Variants in CAPRIN1 observed in about 807,000 individuals in gnomAD.
CAPRIN1 encodes the protein caprin-1.
In CAPRIN1, 29 loss-of-function variants were observed where a neutral mutation model predicts 100.9. The ratio of observed to expected loss-of-function variants is 0.29; its 90% confidence interval spans 0.21 to 0.39. CAPRIN1 has a LOEUF of 0.39. Ranked by LOEUF, CAPRIN1 falls within the 10% of genes least tolerant of loss-of-function variation. The pLI is 1.00. For synonymous variants in CAPRIN1, 338 were observed against 307.5 expected (o/e 1.10, Z -1.04); for missense variants, 795 against 876.7 (o/e 0.91, Z 1.18).
intron 17 of CAPRIN1, 136 bp downstream of exon 17, chr11:34,097,432 A>G (rs1851388820): frequency 1.3e-6 from 1 of 774,676 alleles, no homozygotes; most frequent in East Asian, 2.6e-5. Flanking sequence ...TTGAAACAAA[A>G]GCTTTTAGCA....
chr11:34,083,873 G>A (rs1032780951), intron 9 of CAPRIN1, among the ~76,000 whole-genome samples: 4 of 152,088 alleles, frequency 2.6e-5, no homozygotes, highest in African/African-American at 9.7e-5. Flanking sequence ...TTAGAGACCA[G>A]CCTGGCCAGC....
intron 2 of CAPRIN1, among the ~76,000 whole-genome samples, chr11:34,066,426 T>G (rs984394668): frequency 2.6e-4 from 39 of 151,800 alleles, no homozygotes; most frequent in Admixed American, 2.5e-3. Flanking sequence ...CTCTGCCACC[T>G]GGGTTCAAGC....
intron 2 of CAPRIN1, among the ~76,000 whole-genome samples, chr11:34,054,122 C>T (rs1321522730): frequency 6.6e-6 from 1 of 152,148 alleles, no homozygotes; most frequent in Non-Finnish European, 1.5e-5. Flanking sequence ...ATATATTTTA[C>T]ATTTTGGGAG....
At chr11:34,092,311 T>G (rs1437394388) in intron 15 of CAPRIN1, among the ~76,000 whole-genome samples, 1 of 152,202 alleles carries the variant, frequency 6.6e-6, no homozygotes, top group Non-Finnish European at 1.5e-5. Flanking sequence ...TTGCATTGTA[T>G]AATTTATATG....
At chr11:34,090,147 G>A (rs1181528635) in intron 12 of CAPRIN1, 32 bp from the exon 13 acceptor site, 1 of 1,416,510 alleles carries the variant, frequency 7.1e-7, no homozygotes, top group Non-Finnish European at 9.9e-7. Context: ...TTGTAAGCAG[G>A]AAGAAGCTTT....
intron 15 of CAPRIN1, among the ~76,000 whole-genome samples, chr11:34,094,443 A>C (rs1310558026): frequency 6.6e-6 from 1 of 152,258 alleles, no homozygotes; most frequent in East Asian, 1.9e-4. Context: ...ACAACATGAC[A>C]GAATCTTTGG....
intron 3 of CAPRIN1, 33 bp downstream of exon 3, chr11:34,071,821 A>G (rs1053839471): frequency 6.3e-7 from 1 of 1,579,210 alleles, no homozygotes; most frequent in African/African-American, 1.3e-5. Flanking sequence ...TTTAGACCTA[A>G]TGCTCACTAT....
chr11:34,092,603 G>C (rs558623727), intron 15 of CAPRIN1, among the ~76,000 whole-genome samples: 14 of 152,100 alleles, frequency 9.2e-5, no homozygotes, highest in Non-Finnish European at 1.5e-4. Context: ...CACGTGATCT[G>C]CCCACCTCAG....
In CAPRIN1 at chr11:34,082,838, A is replaced by G; in HGVS notation, c.840A>G (p.Ala280=). Residue 280 remains alanine, a synonymous_variant, in exon 8 of 19, where the codon GCA becomes GCG. Coordinates refer to ENST00000341394, the MANE Select transcript of CAPRIN1 (RefSeq NM_005898.5). ...DQVPEAEPEP[A]EEYTEQSEVE... is the part of the protein sequence containing the mutation. Reference sequence around the variant, plus strand: ...TTAACCTCTTAGAACCTGAGCCAGCAGAAGAGTACACTGAGCAAAGTGAAG... The same window carrying G: ...TTAACCTCTTAGAACCTGAGCCAGCGGAAGAGTACACTGAGCAAAGTGAAG... 1.2e-6 allele frequency: 2 copies of G among 1,613,740 alleles called. No homozygotes were observed. The highest frequency in any genetic ancestry group is 1.1e-5 in the South Asian group (1 of 91,060).
intron 2 of CAPRIN1, among the ~76,000 whole-genome samples, chr11:34,060,607 C>T (rs1173129359): frequency 6.6e-6 from 1 of 152,212 alleles, no homozygotes; most frequent in Non-Finnish European, 1.5e-5. Flanking sequence ...CTTCTTTTTA[C>T]ATTGTGGACA....
chr11:34,062,874 G>GT (rs1358564948), intron 2 of CAPRIN1, among the ~76,000 whole-genome samples: 9 of 151,956 alleles, frequency 5.9e-5, no homozygotes, highest in African/African-American at 1.2e-4. Flanking sequence ...AGCCAAGTTA[G>GT]TTTTTTTCAG....
At chr11:34,076,862 G>A (rs1850918526) in intron 6 of CAPRIN1, among the ~76,000 whole-genome samples, 1 of 151,676 alleles carries the variant, frequency 6.6e-6, no homozygotes, top group Non-Finnish European at 1.5e-5. Flanking sequence ...ATCCTCCCAA[G>A]TAGCTGGGAT....
chr11:34,087,670 AG>A (rs1851175286), intron 11 of CAPRIN1, among the ~76,000 whole-genome samples: 1 of 152,198 alleles, frequency 6.6e-6, no homozygotes, highest in African/African-American at 2.4e-5. Context: ...AACAGATCAA[AG>A]GTGACACCTA....
At chr11:34,096,316 T>G (rs1214558669) in intron 15 of CAPRIN1, 163 bp from the exon 16 acceptor site, 2 of 556,322 alleles carry the variant, frequency 3.6e-6, no homozygotes, top group African/African-American at 3.9e-5. Context: ...AGGAGAAAGG[T>G]AAGAGACTTT....
intron 4 of CAPRIN1, among the ~76,000 whole-genome samples, chr11:34,074,936 TA>T (rs145160448): frequency 0.11 from 16,256 of 152,162 alleles, 961 homozygotes; most frequent in African/African-American, 0.17. Flanking sequence ...CCTAGTATTT[TA>T]AGGAGGCTGA....
intron 2 of CAPRIN1, among the ~76,000 whole-genome samples, chr11:34,055,312 C>A (rs766483911): frequency 6.6e-6 from 1 of 151,736 alleles, no homozygotes; most frequent in African/African-American, 2.4e-5. Context: ...TACAAGTGTG[C>A]GCCACCACCC....
chr11:34,091,794 GACC>G, intron 14 of CAPRIN1, 109 bp from the exon 15 acceptor site: 1 of 926,836 alleles, frequency 1.1e-6, no homozygotes, highest in Non-Finnish European at 1.7e-6. Context: ...TTGTGTTTGA[GACC>G]TCTGTGATGT....
rs759024513 is a variant in CAPRIN1 at position 34,086,328 on chromosome 11, T to C, written c.1146T>C (p.Asn382=). The C allele has an allele frequency of 6.2e-7, 1 of 1,613,844 alleles. No homozygotes were observed. The change falls in exon 11 of 19, where the codon AAT becomes AAC. Residue 382 remains asparagine, a synonymous_variant. Coordinates refer to ENST00000341394, the MANE Select transcript of CAPRIN1 (RefSeq NM_005898.5). Reference sequence around the variant, plus strand: ...AGGATTCAATGCTGGATTTTGAAAATCAGACACTTGATCCTGCCATTGTAT... The same window carrying C: ...AGGATTCAATGCTGGATTTTGAAAACCAGACACTTGATCCTGCCATTGTAT... ...FIQDSMLDFE[N]QTLDPAIVSA...
intron 2 of CAPRIN1, among the ~76,000 whole-genome samples, chr11:34,058,690 A>C (rs1850507769): frequency 6.6e-6 from 1 of 152,230 alleles, no homozygotes; most frequent in Non-Finnish European, 1.5e-5. Flanking sequence ...TCGGTAAGGT[A>C]AAATCCCAGT....
Sources: allele counts gnomAD v4.1 joint callset (sites outside exome capture counted in the v4.1 genomes callset), GRCh38; gene constraint gnomAD v4.1.1; transcripts MANE v1.5; gene names NCBI Gene and HGNC (gene_info 2026-07-23, HGNC 2026-07-21).